Variants in IFNAR1 observed in about 807,000 individuals in gnomAD.
IFNAR1 encodes interferon alpha and beta receptor subunit 1.
IFNAR1 carries 47 observed loss-of-function variants against 62.1 expected under a neutral mutation model. The observed-to-expected ratio is 0.76, with a 90% CI of 0.60 to 0.97. The LOEUF is 0.97. IFNAR1 is among the 50% of genes least tolerant of loss of function. The probability of loss-of-function intolerance (pLI) is 0.00; values close to 1 mark genes in which losing one functional copy is unlikely to be tolerated. For synonymous variants in IFNAR1, 219 were observed against 226.9 expected, an observed-to-expected ratio of 0.97 and a Z score of 0.31; for missense variants, 638 against 654.5, an observed-to-expected ratio of 0.97 and a Z score of 0.27.
chr21:33,352,768 T>C lies in IFNAR1; in HGVS notation c.1154T>C (p.Ile385Thr). Residue 385 changes from isoleucine to threonine, a missense_variant, in exon 9 of 11, where the codon ATC becomes ACC. By Grantham distance (89) the Ile-to-Thr change is moderately conservative. Transcript: ENST00000270139. ...AATTATATTTTCTAGAGAAAAATTATCGAGAAAAAAACTGATGTTACAGTT... is the reference window on the plus strand; with the variant it reads ...AATTATATTTTCTAGAGAAAAATTACCGAGAAAAAAACTGATGTTACAGTT... ...ENTSNAERKI[I>T]EKKTDVTVPN... 4 of 1,504,122 alleles carry C rather than the reference T, an allele frequency of 2.7e-6. No individual in the cohort carries two copies. Among genetic ancestry groups the C allele is most frequent in the Non-Finnish European group, 3.6e-6 (4 of 1,103,134 alleles). 93.2% of individuals were successfully genotyped at this position (1,504,122 alleles called of 1,614,324 possible).
In IFNAR1 at chr21:33,334,781, A is replaced by G. The variant is rs571204962; in HGVS notation, c.77-743A>G. On this transcript the variant is annotated intron_variant, in intron 1 of 10. Coordinates refer to ENST00000270139, the MANE Select transcript of IFNAR1 (RefSeq NM_000629.3). ...GCAGCTGGATGTCCAGACTGAGGGCACTGGTGCCATCAGTGGCTATCCTAC... is the reference window on the plus strand; with the variant it reads ...GCAGCTGGATGTCCAGACTGAGGGCGCTGGTGCCATCAGTGGCTATCCTAC... 39 of 794,834 alleles carry G rather than the reference A, an allele frequency of 4.9e-5. No individual in the cohort carries two copies. In the East Asian group the frequency reaches 1.0e-3, roughly 21 times the overall value. The allele number at this position is 794,834 out of a possible 1,614,324, so 49.2% of individuals were successfully genotyped here.
At position 33,325,139 on chromosome 21, in the gene IFNAR1, G is replaced by C. The variant is rs1410088510; in HGVS notation, c.76+8G>C. 6.2e-7 allele frequency: 1 copy of C among 1,608,366 alleles called. No homozygotes were observed. The highest frequency in any genetic ancestry group is 1.3e-5 in the African/African-American group (1 of 74,988). On this transcript the variant is annotated splice_region_variant and intron_variant, in intron 1 of 10. Coordinates refer to ENST00000270139, the MANE Select transcript of IFNAR1 (RefSeq NM_000629.3). ...TGTTGTCCGCAGCCGCAGGTGAGAG[G>C]CGGGGAGGAGAGTCTTGGCGCAGGG...
At chr21:33,345,151 C>T (rs1429838795) in intron 5 of IFNAR1, 95 bp from the exon 6 acceptor site, 6 of 673,334 alleles carry the variant, frequency 8.9e-6, no homozygotes, top group Non-Finnish European at 1.6e-5. Context: ...TTAACTATTA[C>T]CTTATAATGA....
At chr21:33,337,096 G>A (rs1356501601) in intron 2 of IFNAR1, among the ~76,000 whole-genome samples, 1 of 151,802 alleles carries the variant, frequency 6.6e-6, no homozygotes, top group Non-Finnish European at 1.5e-5. Context: ...GGTGGCATGT[G>A]TCTGTAATCC....
chr21:33,329,469 T>TA lies in IFNAR1; in HGVS notation c.76+4351dup, dbSNP rs879725788. ...GACCTGATGGGTACCACATTAAGTT[T>TA]AAAAAAAAAAAAAGTGTTTTCTCAG... On this transcript the variant is annotated intron_variant, in intron 1 of 10. Coordinates refer to ENST00000270139, the MANE Select transcript of IFNAR1 (RefSeq NM_000629.3). Among the ~76,000 whole-genome samples the TA allele has an allele frequency of 3.5e-3, 503 of 143,256 alleles. 3 individuals are homozygous for TA. Among genetic ancestry groups the TA allele is most frequent in the African/African-American group, 9.4e-3 (368 of 39,254 alleles). 94.0% of individuals were successfully genotyped at this position (143,256 alleles called of 152,430 possible).
intron 8 of IFNAR1, among the ~76,000 whole-genome samples, chr21:33,351,986 G>A (rs754270403): frequency 4.0e-5 from 6 of 151,820 alleles, no homozygotes; most frequent in Admixed American, 2.0e-4. Flanking sequence ...GTGACCCACC[G>A]GCTTGTTAGA....
At chr21:33,355,260 G>T (rs2083435947) in intron 10 of IFNAR1, 56 bp from the exon 11 acceptor site, 3 of 886,184 alleles carry the variant, frequency 3.4e-6, no homozygotes, top group East Asian at 5.4e-5. Flanking sequence ...AACTAGAAAA[G>T]GAATTTTTAT....
intron 6 of IFNAR1, 151 bp from the exon 7 acceptor site, chr21:33,348,940 T>C (rs1307014915): frequency 1.8e-6 from 1 of 554,836 alleles, no homozygotes; most frequent in African/African-American, 1.9e-5. Context: ...TTGGTTTTCT[T>C]TTATGTTAGA....
At chr21:33,344,491 CCTT>C (rs2083326044) in intron 5 of IFNAR1, among the ~76,000 whole-genome samples, 1 of 151,852 alleles carries the variant, frequency 6.6e-6, no homozygotes, top group Non-Finnish European at 1.5e-5. Context: ...TCTTCTTCTC[CCTT>C]CTTATCCCCA....
At position 33,325,134 on chromosome 21, in the gene IFNAR1, G is replaced by A. The variant is rs746641634; in HGVS notation, c.76+3G>A. The A allele has an allele frequency of 6.2e-7, 1 of 1,609,064 alleles. No individual in the cohort carries two copies. Among genetic ancestry groups the A allele is most frequent in the Non-Finnish European group, 8.5e-7 (1 of 1,178,544 alleles). On this transcript the variant is annotated splice_donor_region_variant and intron_variant, in intron 1 of 10. Transcript: ENST00000270139. Reference sequence around the variant, plus strand: ...ATGGGTGTTGTCCGCAGCCGCAGGTGAGAGGCGGGGAGGAGAGTCTTGGCG... The same window carrying A: ...ATGGGTGTTGTCCGCAGCCGCAGGTAAGAGGCGGGGAGGAGAGTCTTGGCG...
intron 8 of IFNAR1, among the ~76,000 whole-genome samples, chr21:33,349,922 T>TA (rs113802899): frequency 1.2e-3 from 176 of 145,770 alleles, no homozygotes; most frequent in South Asian, 2.0e-3. Context: ...AGCTTGTCTT[T>TA]AAAAAAAAAA....
intron 1 of IFNAR1, among the ~76,000 whole-genome samples, chr21:33,330,622 A>G (rs894321398): frequency 3.3e-5 from 5 of 152,264 alleles, no homozygotes; most frequent in African/African-American, 1.2e-4. Flanking sequence ...TCATCCCCTC[A>G]TAAGACAGCC....
Position 33,343,569 on chromosome 21 carries a change from T to C in IFNAR1, c.566T>C (p.Ile189Thr). 1 of 1,551,862 alleles carries C rather than the reference T, an allele frequency of 6.4e-7. No individual in the cohort carries two copies. Among genetic ancestry groups the C allele is most frequent in the Non-Finnish European group, 8.9e-7 (1 of 1,125,624 alleles). Residue 189 changes from isoleucine (I) to threonine (T), a missense_variant, in exon 5 of 11, where the codon ATT (isoleucine) becomes ACT (threonine). By Grantham distance (89) the Ile-to-Thr change is moderately conservative (BLOSUM62 -1). Transcript: ENST00000270139. Reference sequence around the variant, plus strand: ...GAAAATATTTATTCCAGACATAAAATTTATAAACTCTCACCAGAGACTACT... The same window carrying C: ...GAAAATATTTATTCCAGACATAAAACTTATAAACTCTCACCAGAGACTACT... Reference protein sequence around the residue: ...RIENIYSRHKIYKLSPETTYC... With the variant: ...RIENIYSRHKTYKLSPETTYC...
rs1357368989 is a variant in IFNAR1 at position 33,359,190 on chromosome 21, A to T, written c.*3641A>T. 6.6e-6 allele frequency: 1 copy of T among 152,210 alleles called. No individual in the cohort carries two copies. Among genetic ancestry groups the T allele is most frequent in the Non-Finnish European group, 1.5e-5 (1 of 68,036 alleles). The allele number at this position is 152,210 out of a possible 1,614,324, so 9.4% of individuals were successfully genotyped here. On this transcript the variant is annotated 3_prime_UTR_variant, in exon 11 of 11. Coordinates refer to ENST00000270139, the MANE Select transcript of IFNAR1 (RefSeq NM_000629.3). ...TTGTTTTACTGAATTGTAGAAGGAC[A>T]TAACCGTGTTTTCAGTGTTTCTATG...
chr21:33,334,837 GGGT>G, intron 1 of IFNAR1: 1 of 993,184 alleles, frequency 1.0e-6, no homozygotes, highest in African/African-American at 1.6e-5. Flanking sequence ...TGGTGATCCA[GGGT>G]GATATCACCA....
At chr21:33,353,842 G>A in intron 10 of IFNAR1, 59 bp downstream of exon 10, 1 of 1,129,552 alleles carries the variant, frequency 8.9e-7, no homozygotes, top group Non-Finnish European at 1.3e-6. Context: ...AAATGTGTTT[G>A]ATTTCAACAG....
In IFNAR1 at chr21:33,355,363, G is replaced by A. The variant is rs1398629645; in HGVS notation, c.1488G>A (p.Glu496=). 1.9e-6 allele frequency: 3 copies of A among 1,601,298 alleles called. No individual in the cohort carries two copies. Among genetic ancestry groups the A allele is most frequent in the Non-Finnish European group, 2.6e-6 (3 of 1,174,198 alleles). The change falls in exon 11 of 11, where the codon GAG becomes GAA. Residue 496 remains glutamate (E), a synonymous_variant. Transcript: ENST00000270139. The part of the protein sequence containing the change: ...PLKNLLLSTS[E]EQIEKCFIIE... Reference sequence around the variant, plus strand: ...AGAATCTTCTGCTTTCAACTTCTGAGGAACAAATCGAAAAATGTTTCATAA... The same window carrying A: ...AGAATCTTCTGCTTTCAACTTCTGAAGAACAAATCGAAAAATGTTTCATAA...
chr21:33,349,885 T>A (rs1048557575), intron 8 of IFNAR1, among the ~76,000 whole-genome samples: 7 of 151,904 alleles, frequency 4.6e-5, no homozygotes, highest in Non-Finnish European at 7.4e-5. Flanking sequence ...GCCACTGCAC[T>A]CCAGCCTGGG....
chr21:33,352,187 A>G (rs1168968511), intron 8 of IFNAR1, among the ~76,000 whole-genome samples: 1 of 152,192 alleles, frequency 6.6e-6, no homozygotes, highest in East Asian at 1.9e-4. Context: ...CAGAGGTAAT[A>G]CAATGGCAAT....
Sources: allele counts gnomAD v4.1 joint callset (sites outside exome capture counted in the v4.1 genomes callset), GRCh38; gene constraint gnomAD v4.1.1; transcripts MANE v1.5; gene names NCBI Gene and HGNC (gene_info 2026-07-23, HGNC 2026-07-21).